The following FAM167A variants were observed in gnomAD, a reference collection of about 807,000 sequenced individuals.
The protein encoded by FAM167A is protein FAM167A.
In FAM167A, 23 loss-of-function variants were observed where a neutral mutation model predicts 14.9. The ratio of observed to expected loss-of-function variants is 1.55; its 90% CI spans 1.11 to 2.19. The LOEUF (loss-of-function observed/expected upper bound fraction) is 2.19. FAM167A is among the 30% of genes most tolerant of loss of function. The pLI is 0.00. For missense variants in FAM167A, 401 were observed against 281.5 expected (o/e 1.42, Z -3.04); for synonymous variants, 174 against 117.7 (o/e 1.48, Z -3.10).
intron 1 of FAM167A, among the ~76,000 whole-genome samples, chr8:11,463,424 C>A (rs1399271331): frequency 1.3e-5 from 2 of 152,200 alleles, no homozygotes; most frequent in African/African-American, 2.4e-5. Context: ...TCCTGGGTGG[C>A]CACCACCCTA....
intron 2 of FAM167A, among the ~76,000 whole-genome samples, chr8:11,441,813 TTCTC>T (rs1388413843): frequency 2.0e-5 from 3 of 152,196 alleles, no homozygotes; most frequent in African/African-American, 7.2e-5. Flanking sequence ...TCAGTCCTGT[TTCTC>T]TCTCTGCCCC....
intron 1 of FAM167A, chr8:11,445,196 C>A: frequency 1.0e-6 from 1 of 985,296 alleles, no homozygotes; most frequent in African/African-American, 1.7e-5. Context: ...CTGTCTGAAT[C>A]TGAGGCCACA....
chr8:11,465,581 A>G (rs930497400), intron 1 of FAM167A, among the ~76,000 whole-genome samples: 8 of 152,202 alleles, frequency 5.3e-5, no homozygotes, highest in Admixed American at 3.9e-4. Flanking sequence ...CCTTAAAAAC[A>G]CGCTGCAGAA....
intron 1 of FAM167A, among the ~76,000 whole-genome samples, chr8:11,460,902 G>C (rs764457764): frequency 6.6e-6 from 1 of 152,200 alleles, no homozygotes; most frequent in Non-Finnish European, 1.5e-5. Context: ...AAATACTTAA[G>C]ACCTTTGCAA....
At chr8:11,473,606 G>A (rs1484504857) in intron 1 of FAM167A, among the ~76,000 whole-genome samples, 1 of 152,124 alleles carries the variant, frequency 6.6e-6, no homozygotes, top group Admixed American at 6.5e-5. Context: ...CCCCATCCTG[G>A]CCAGGGAGGT....
At chr8:11,471,428 C>G (rs1451094013), upstream of FAM167A, among the ~76,000 whole-genome samples, 1 of 152,146 alleles carries the variant, frequency 6.6e-6, no homozygotes, top group Non-Finnish European at 1.5e-5. Context: ...TGTGTTTCTG[C>G]TGGCTCAAGG....
intron 1 of FAM167A, among the ~76,000 whole-genome samples, chr8:11,448,979 G>A (rs568221423): frequency 2.0e-5 from 3 of 152,378 alleles, no homozygotes; most frequent in African/African-American, 4.8e-5. Flanking sequence ...CTGAATAGGC[G>A]TGTGTGCAAT....
intron 1 of FAM167A, among the ~76,000 whole-genome samples, chr8:11,455,045 G>A (rs1333194411): frequency 6.6e-6 from 1 of 152,230 alleles, no homozygotes; most frequent in African/African-American, 2.4e-5. Context: ...GCCGGTGTCA[G>A]GAGCCCTGAC....
At chr8:11,432,194 C>T (rs185556283) in intron 2 of FAM167A, among the ~76,000 whole-genome samples, 14 of 152,238 alleles carry the variant, frequency 9.2e-5, no homozygotes, top group South Asian at 4.1e-4. Context: ...TCTGATCCCA[C>T]GGACTGATGT....
intron 2 of FAM167A, among the ~76,000 whole-genome samples, chr8:11,433,266 A>C (rs532300860): frequency 6.6e-6 from 1 of 152,340 alleles, no homozygotes; most frequent in Admixed American, 6.5e-5. Flanking sequence ...CACAAGGAGC[A>C]ACTCTATGAA....
intron 1 of FAM167A, among the ~76,000 whole-genome samples, chr8:11,456,386 G>GT: frequency 2.2e-4 from 2 of 9,216 alleles, no homozygotes; most frequent in South Asian, 3.0e-3. Context: ...TGCCCTGCCT[G>GT]GTGTGTGTGT....
chr8:11,459,318 A>G (rs1807448088), intron 1 of FAM167A, among the ~76,000 whole-genome samples: 1 of 152,188 alleles, frequency 6.6e-6, no homozygotes, highest in South Asian at 2.1e-4. Flanking sequence ...AAGTCTCCCC[A>G]ACTCCACCAT....
At chr8:11,469,934 C>G (rs944325838), upstream of FAM167A, among the ~76,000 whole-genome samples, 2 of 149,556 alleles carry the variant, frequency 1.3e-5, no homozygotes, top group African/African-American at 4.9e-5. Flanking sequence ...AAGATTTAAA[C>G]TTAAAATATT....
At chr8:11,438,226 G>A (rs777459242) in intron 2 of FAM167A, 3 of 435,168 alleles carry the variant, frequency 6.9e-6, no homozygotes, top group South Asian at 5.0e-5. Context: ...GTGCTGCTGT[G>A]GGGATCCTCC....
intron 1 of FAM167A, among the ~76,000 whole-genome samples, chr8:11,473,482 C>T (rs1027457753): frequency 2.0e-5 from 3 of 152,104 alleles, no homozygotes; most frequent in African/African-American, 7.2e-5. Flanking sequence ...AACTGTACCC[C>T]GAAGAGATAC....
intron 1 of FAM167A, among the ~76,000 whole-genome samples, chr8:11,458,722 A>G (rs748492989): frequency 1.3e-5 from 2 of 152,174 alleles, no homozygotes; most frequent in Non-Finnish European, 2.9e-5. Context: ...TGGAGTTTCC[A>G]GAGTCTGGAG....
chr8:11,428,032 T>C (rs1585228731), intron 2 of FAM167A, among the ~76,000 whole-genome samples: 1 of 152,222 alleles, frequency 6.6e-6, no homozygotes, highest in East Asian at 1.9e-4. Flanking sequence ...GAACACCCAT[T>C]GCCTTAGTAC....
chr8:11,436,059 G>A (rs1805986152), intron 2 of FAM167A, among the ~76,000 whole-genome samples: 2 of 152,198 alleles, frequency 1.3e-5, no homozygotes, highest in African/African-American at 4.8e-5. Flanking sequence ...CCCAGCCCAA[G>A]CTTCACCCAC....
intron 2 of FAM167A, among the ~76,000 whole-genome samples, chr8:11,432,852 GCA>G (rs1805709055): frequency 6.6e-6 from 1 of 152,116 alleles, no homozygotes; most frequent in Non-Finnish European, 1.5e-5. Flanking sequence ...AGAAAATGTG[GCA>G]CAGATACACC....
Sources: gnomAD v4.1 joint callset for allele counts (sites outside exome capture counted in the v4.1 genomes callset) on GRCh38, gnomAD v4.1.1 for gene constraint, MANE v1.5 for transcripts, NCBI Gene and HGNC (gene_info 2026-07-23, HGNC 2026-07-21) for gene names.